The following NRXN1 variants were observed in gnomAD, a reference collection of about 807,000 sequenced individuals.
NRXN1 encodes neurexin 1.
NRXN1 carries 39 observed loss-of-function variants against 150.9 expected under a neutral mutation model. That is an observed-to-expected ratio of 0.26 (90% confidence interval 0.20 to 0.34). NRXN1 has a LOEUF of 0.34. NRXN1 is among the 10% of genes least tolerant of loss of function. The pLI is 1.00. For missense variants in NRXN1, 1,815 were observed against 1,949.9 expected (o/e 0.93, Z 1.30); for synonymous variants, 924 against 757.0 (o/e 1.22, Z -3.62).
At chr2:50,651,874 A>C (rs858956) in intron 5 of NRXN1, among the ~76,000 whole-genome samples, 15,474 of 152,054 alleles carry the variant, frequency 0.1, 887 homozygotes, top group Middle Eastern at 0.2. Context: ...GTCTACCCAG[A>C]GTTGCACTGA....
intron 8 of NRXN1, among the ~76,000 whole-genome samples, chr2:50,598,991 C>G (rs910204580): frequency 6.6e-6 from 1 of 151,922 alleles, no homozygotes; most frequent in African/African-American, 2.4e-5. Context: ...AGGCTGCTCT[C>G]GAACTCCTGA....
intron 21 of NRXN1, among the ~76,000 whole-genome samples, chr2:50,048,179 G>C (rs1174010458): frequency 6.6e-6 from 1 of 151,998 alleles, no homozygotes; most frequent in African/African-American, 2.4e-5. Context: ...CTTCTCACCA[G>C]GCACCATTAA....
chr2:50,268,045 C>G (rs1439153278), intron 17 of NRXN1, among the ~76,000 whole-genome samples: 1 of 152,052 alleles, frequency 6.6e-6, no homozygotes, highest in Admixed American at 6.6e-5. Flanking sequence ...AAAAAATCAG[C>G]TGGGTGTGGT....
intron 21 of NRXN1, chr2:49,945,132 T>C (rs890178216): frequency 6.6e-6 from 1 of 152,164 alleles, no homozygotes; most frequent in Admixed American, 6.6e-5. Flanking sequence ...GCATTGGAGA[T>C]GGTTTCATGT....
intron 2 of NRXN1, chr2:51,009,181 G>A (rs1009525078): frequency 6.6e-6 from 1 of 151,824 alleles, no homozygotes; most frequent in Non-Finnish European, 1.5e-5. Flanking sequence ...TCAGACCAAT[G>A]GCAAGATTCA....
At chr2:50,179,778 T>A (rs1462527547) in intron 18 of NRXN1, among the ~76,000 whole-genome samples, 1 of 151,834 alleles carries the variant, frequency 6.6e-6, no homozygotes, top group African/African-American at 2.4e-5. Flanking sequence ...AGAAAAAAAA[T>A]GTGGAGAATG....
chr2:50,457,225 G>C (rs1410479226), intron 17 of NRXN1, among the ~76,000 whole-genome samples: 1 of 152,030 alleles, frequency 6.6e-6, no homozygotes, highest in Non-Finnish European at 1.5e-5. Context: ...GCAGTTGAGG[G>C]GAAAAGCATA....
At chr2:50,754,232 G>C (rs1377591595) in intron 5 of NRXN1, among the ~76,000 whole-genome samples, 1 of 151,746 alleles carries the variant, frequency 6.6e-6, no homozygotes, top group Non-Finnish European at 1.5e-5. Context: ...GTTAGATATT[G>C]ATCTCACTTA....
At chr2:50,230,189 T>C (rs1459757154) in intron 18 of NRXN1, among the ~76,000 whole-genome samples, 1 of 151,992 alleles carries the variant, frequency 6.6e-6, no homozygotes, top group African/African-American at 2.4e-5. Context: ...CACTCACTAT[T>C]TGAAAAAACT....
chr2:50,638,077 C>T (rs2104455666), intron 5 of NRXN1, among the ~76,000 whole-genome samples: 1 of 151,948 alleles, frequency 6.6e-6, no homozygotes, highest in South Asian at 2.1e-4. Flanking sequence ...AGAGGGAGAT[C>T]CATAACATTT....
rs146466024 is a variant in NRXN1 at position 50,529,451 on chromosome 2, C to T, written c.2348-800G>A. On this transcript the variant is annotated intron_variant, in intron 11 of 22. Transcript: ENST00000401669. ...AAAAGTAGCTACTATAAGAACAGAA[C>T]GTCTTGTATGGGTAACACAAACTGT... is the stretch of plus-strand genomic sequence containing the variant. 8.1e-4 allele frequency among the ~76,000 whole-genome samples: 124 copies of T among 152,230 alleles called. 1 individual carries two copies. Among genetic ancestry groups the T allele is most frequent in the African/African-American group, 1.6e-3 (68 of 41,546 alleles).
At chr2:50,953,668 T>C (rs1450279519) in intron 2 of NRXN1, among the ~76,000 whole-genome samples, 1 of 151,780 alleles carries the variant, frequency 6.6e-6, no homozygotes, top group Non-Finnish European at 1.5e-5. Context: ...GTTCAAGCGA[T>C]TCTCCTGCCT....
intron 18 of NRXN1, among the ~76,000 whole-genome samples, chr2:50,118,453 C>CT (rs11398725): frequency 0.29 from 43,513 of 149,176 alleles, 6,532 homozygotes; most frequent in Admixed American, 0.41. Flanking sequence ...TAAGTGTTTT[C>CT]TTTTTTTTTT....
chr2:50,375,730 A>G (rs957831408), intron 17 of NRXN1, among the ~76,000 whole-genome samples: 2 of 151,698 alleles, frequency 1.3e-5, no homozygotes, highest in Admixed American at 6.6e-5. Context: ...CAAAATAGCC[A>G]AGTAATAATG....
intron 17 of NRXN1, among the ~76,000 whole-genome samples, chr2:50,457,988 A>G (rs998627762): frequency 6.6e-6 from 1 of 152,182 alleles, no homozygotes; most frequent in African/African-American, 2.4e-5. Context: ...CTGAGTATAT[A>G]TCCAAAAGAA....
intron 17 of NRXN1, among the ~76,000 whole-genome samples, chr2:50,316,003 G>A (rs1222052772): frequency 3.3e-5 from 5 of 151,978 alleles, no homozygotes; most frequent in East Asian, 1.9e-4. Context: ...AGCAGTAAAC[G>A]GCATGAGATG....
At chr2:50,530,178 A>G (rs1272709749) in intron 11 of NRXN1, among the ~76,000 whole-genome samples, 2 of 152,200 alleles carry the variant, frequency 1.3e-5, no homozygotes, top group African/African-American at 4.8e-5. Context: ...TGAAATAATG[A>G]TAACACTGAA....
chr2:50,380,285 T>C (rs1313810638), intron 17 of NRXN1, among the ~76,000 whole-genome samples: 1 of 151,764 alleles, frequency 6.6e-6, no homozygotes, highest in African/African-American at 2.4e-5. Context: ...TATGTGTGTG[T>C]GTGTGTGTGT....
intron 5 of NRXN1, among the ~76,000 whole-genome samples, chr2:50,827,793 G>C (rs543415026): frequency 1.3e-3 from 193 of 150,612 alleles, no homozygotes; most frequent in Middle Eastern, 3.4e-3. Context: ...TGAGATTAGG[G>C]AGTGGTGATG....
Sources: gnomAD v4.1 joint callset for allele counts (sites outside exome capture counted in the v4.1 genomes callset) on GRCh38, gnomAD v4.1.1 for gene constraint, MANE v1.5 for transcripts, NCBI Gene and HGNC (gene_info 2026-07-23, HGNC 2026-07-21) for gene names.